SPTLC2: variants seen among roughly 807,000 people sequenced by gnomAD.
SPTLC2 encodes the protein serine palmitoyltransferase 2.
In SPTLC2, 21 loss-of-function variants were observed where a neutral mutation model predicts 62.0. The ratio of observed to expected loss-of-function variants is 0.34; its 90% CI spans 0.24 to 0.49. The LOEUF is 0.49. Among genes scored for constraint, SPTLC2 ranks in the 20% least tolerant of loss-of-function variants. The pLI is 0.99. For missense variants in SPTLC2, 511 were observed against 713.0 expected (o/e 0.72, Z 3.23); for synonymous variants, 261 against 261.8 (o/e 1.00, Z 0.03).
In SPTLC2 at chr14:77,508,303, C is replaced by CT. The variant is rs1169029547; in HGVS notation, c.*3980_*3981insA. The CT allele has an allele frequency of 3.3e-5, 5 of 152,188 alleles. No homozygotes were observed. 9.4% of individuals were successfully genotyped at this position (152,188 alleles called of 1,614,324 possible). ...CACTACTCTCACCTCTTTTTCTAAG[C>CT]ACACGGTTATAGCAAGTAGAGATTA... is the stretch of plus-strand genomic sequence containing the variant. On this transcript the variant is annotated 3_prime_UTR_variant, in exon 12 of 12. Coordinates refer to ENST00000216484, the MANE Select transcript of SPTLC2 (RefSeq NM_004863.4).
chr14:77,554,329 C>T (rs75178456), intron 8 of SPTLC2, among the ~76,000 whole-genome samples: 2,280 of 152,238 alleles, frequency 0.015, 57 homozygotes, highest in African/African-American at 0.052. Context: ...TTTAGTATAT[C>T]CAGAGTTGTG....
At chr14:77,563,431 T>C (rs897645449) in intron 5 of SPTLC2, among the ~76,000 whole-genome samples, 4 of 152,140 alleles carry the variant, frequency 2.6e-5, no homozygotes, top group Admixed American at 6.6e-5. Flanking sequence ...TACTATATTG[T>C]GTGTATGTGT....
intron 5 of SPTLC2, among the ~76,000 whole-genome samples, chr14:77,565,683 T>G (rs902431683): frequency 6.6e-6 from 1 of 152,194 alleles, no homozygotes; most frequent in East Asian, 1.9e-4. Flanking sequence ...TATCCCAGAT[T>G]GGAGGAGACT....
At chr14:77,597,635 T>C (rs771034608) in intron 1 of SPTLC2, among the ~76,000 whole-genome samples, 2 of 150,614 alleles carry the variant, frequency 1.3e-5, no homozygotes, top group South Asian at 2.1e-4. Flanking sequence ...TTAGCCAGGA[T>C]TGGTGGTGCA....
intron 6 of SPTLC2, among the ~76,000 whole-genome samples, chr14:77,559,416 T>C (rs2079602947): frequency 6.6e-6 from 1 of 152,090 alleles, no homozygotes. Flanking sequence ...AAATTCCACA[T>C]AAATTTAAAT....
chr14:77,606,399 G>A (rs2079905653), intron 1 of SPTLC2, among the ~76,000 whole-genome samples: 1 of 152,086 alleles, frequency 6.6e-6, no homozygotes, highest in Admixed American at 6.6e-5. Context: ...GTGTGTGTGT[G>A]TGTGTACAGA....
intron 2 of SPTLC2, among the ~76,000 whole-genome samples, chr14:77,581,541 G>C (rs1292648555): frequency 6.6e-6 from 1 of 150,834 alleles, no homozygotes; most frequent in African/African-American, 2.4e-5. Context: ...CTCCCAAGTA[G>C]CTGGGATTAC....
intron 9 of SPTLC2, among the ~76,000 whole-genome samples, chr14:77,531,741 A>G (rs2079442287): frequency 6.6e-6 from 1 of 151,872 alleles, no homozygotes; most frequent in South Asian, 2.1e-4. Flanking sequence ...TGAACTCCCA[A>G]CCTCAGGTGA....
chr14:77,582,102 G>T (rs1444061357), intron 2 of SPTLC2, among the ~76,000 whole-genome samples: 1 of 151,636 alleles, frequency 6.6e-6, no homozygotes, highest in Non-Finnish European at 1.5e-5. Flanking sequence ...ACCCAGGCTG[G>T]AGTGCAATGG....
rs180809971 is a variant in SPTLC2, at chr14:77,549,803, C to T, written c.1303+2293G>A. Among the ~76,000 whole-genome samples, 107 of 152,304 alleles carry T rather than the reference C, an allele frequency of 7.0e-4. 1 individual carries two copies. The highest frequency in any genetic ancestry group is 2.6e-4 in the Non-Finnish European group (18 of 68,014). On this transcript the variant is annotated intron_variant, in intron 9 of 11. Transcript: ENST00000216484. ...CCATGTTTCATTTTCTCACTACTAG[C>T]ACAGCCCAGATTTCATCATTTAGTA...
intron 4 of SPTLC2, among the ~76,000 whole-genome samples, chr14:77,571,644 TA>T (rs2079683885): frequency 6.6e-6 from 1 of 152,132 alleles, no homozygotes; most frequent in Non-Finnish European, 1.5e-5. Context: ...AGAAGAATGC[TA>T]AACTTGGATG....
chr14:77,536,978 A>G (rs1292240012), intron 9 of SPTLC2, among the ~76,000 whole-genome samples: 1 of 150,256 alleles, frequency 6.7e-6, no homozygotes, highest in Non-Finnish European at 1.5e-5. Flanking sequence ...ACTGGAGTGC[A>G]ATGGTGCAAT....
At chr14:77,569,487 C>G (rs2079665274) in intron 5 of SPTLC2, among the ~76,000 whole-genome samples, 2 of 152,122 alleles carry the variant, frequency 1.3e-5, no homozygotes, top group African/African-American at 2.4e-5. Flanking sequence ...CCTCATTTTA[C>G]AAAAGAAACT....
In SPTLC2 at chr14:77,570,378, T is replaced by C. The variant is rs1386326474; in HGVS notation, c.756+6A>G. On this transcript the variant is annotated splice_donor_region_variant and intron_variant, in intron 5 of 11. Transcript: ENST00000216484. ...GGGAGTTTTCATAAATGACAGAGTA[T>C]CTTACTTTGCCAACAAGAGCAGGAA... is the stretch of plus-strand genomic sequence containing the variant. The C allele has an allele frequency of 6.2e-7, 1 of 1,612,728 alleles. No homozygotes were observed. Among genetic ancestry groups the C allele is most frequent in the Non-Finnish European group, 8.5e-7 (1 of 1,179,942 alleles).
chr14:77,517,777 A>C (rs1469993561), intron 11 of SPTLC2, among the ~76,000 whole-genome samples: 1 of 152,192 alleles, frequency 6.6e-6, no homozygotes, highest in East Asian at 1.9e-4. Flanking sequence ...AGAAATAGCT[A>C]GAGTGGAAAG....
intron 4 of SPTLC2, among the ~76,000 whole-genome samples, chr14:77,572,219 T>C (rs936526156): frequency 5.3e-5 from 8 of 151,866 alleles, no homozygotes; most frequent in African/African-American, 1.9e-4. Context: ...AGTTAGAAAC[T>C]CTGTTTTAAA....
At chr14:77,530,317 A>T (rs199798688) in intron 9 of SPTLC2, among the ~76,000 whole-genome samples, 53 of 32,650 alleles carry the variant, frequency 1.6e-3, no homozygotes, top group Non-Finnish European at 3.2e-3. Flanking sequence ...GATCTTTTTT[A>T]AAAAAAAAAA....
At chr14:77,566,648 G>A (rs1024318147) in intron 5 of SPTLC2, among the ~76,000 whole-genome samples, 10 of 152,230 alleles carry the variant, frequency 6.6e-5, no homozygotes, top group African/African-American at 1.9e-4. Context: ...TTTTAGTAGA[G>A]ACGGGGTTTC....
intron 1 of SPTLC2, among the ~76,000 whole-genome samples, chr14:77,612,418 A>G (rs2079943060): frequency 6.6e-6 from 1 of 152,220 alleles, no homozygotes; most frequent in African/African-American, 2.4e-5. Context: ...AGTATCTCAA[A>G]TAACTCTGGA....
Sources: allele counts gnomAD v4.1 joint callset (sites outside exome capture counted in the v4.1 genomes callset), GRCh38; gene constraint gnomAD v4.1.1; transcripts MANE v1.5; gene names NCBI Gene and HGNC (gene_info 2026-07-23, HGNC 2026-07-21).